The following PUDP variants were observed in gnomAD, a reference collection of about 807,000 sequenced individuals.
The protein encoded by PUDP is pseudouridine 5'-phosphatase.
In PUDP, 8 loss-of-function variants were observed where a neutral mutation model predicts 9.4. The ratio of observed to expected loss-of-function variants is 0.85; its 90% CI spans 0.50 to 1.53. The LOEUF is 1.53. Among genes scored for constraint, PUDP ranks in the 40% most tolerant of loss-of-function variants. PUDP has a pLI of 0.00. For missense variants in PUDP, 188 were observed against 189.7 expected (o/e 0.99, Z 0.05); for synonymous variants, 99 against 80.7 (o/e 1.23, Z -1.22).
At chrX:7,057,556 A>G in intron 3 of PUDP, 1 of 880,227 alleles carries the variant, frequency 1.1e-6, no homozygotes, top group Non-Finnish European at 1.5e-6. Context: ...GCTGATTCTC[A>G]TGTTTCTGAT....
rs550061084 is a variant in PUDP at position 7,100,981 on chromosome X, C to T, written c.280+4639G>A. ...CCTAACTCGTTTCAGAATACCAAAG[C>T]GGCACATCATCTGACCACTGTCCCT... is the stretch of plus-strand genomic sequence containing the variant. On this transcript the variant is annotated intron_variant, in intron 2 of 3. Coordinates refer to ENST00000381077, the MANE Select transcript of PUDP (RefSeq NM_012080.5). 8.0e-5 allele frequency among the ~76,000 whole-genome samples: 9 copies of T among 111,877 alleles called. No homozygotes were observed. In the South Asian group the frequency reaches 2.2e-3, roughly 28 times the overall value.
intron 1 of PUDP, among the ~76,000 whole-genome samples, chrX:7,001,869 C>T (rs1028968669): frequency 1.8e-5 from 2 of 111,608 alleles, no homozygotes; most frequent in East Asian, 2.8e-4. Flanking sequence ...CTTCACAAGA[C>T]AATTTAGGGG....
chrX:6,992,975 C>T (rs1929205437), intron 1 of PUDP, among the ~76,000 whole-genome samples: 1 of 111,614 alleles, frequency 9.0e-6, no homozygotes, highest in Admixed American at 9.5e-5. Flanking sequence ...CATCAGACTC[C>T]AAGTTCTTCA....
chrX:6,764,218 A>G (rs1925258690), intron 3 of PUDP, among the ~76,000 whole-genome samples: 1 of 111,593 alleles, frequency 9.0e-6, no homozygotes, highest in Non-Finnish European at 1.9e-5. Context: ...GATGGGACTA[A>G]CTGCTTTGCA....
intron 1 of PUDP, among the ~76,000 whole-genome samples, chrX:6,707,840 C>T (rs1336531320): frequency 8.9e-6 from 1 of 112,237 alleles, no homozygotes; most frequent in Non-Finnish European, 1.9e-5. Context: ...TAACAAGAAA[C>T]ATGGTTGGAA....
At chrX:7,129,592 G>A (rs1315641379) in intron 1 of PUDP, among the ~76,000 whole-genome samples, 1 of 112,221 alleles carries the variant, frequency 8.9e-6, no homozygotes, top group African/African-American at 3.2e-5. Flanking sequence ...TACCTGAGGG[G>A]ATATTCCCTG....
chrX:6,818,121 C>T (rs1926281212), intron 3 of PUDP, among the ~76,000 whole-genome samples: 1 of 111,213 alleles, frequency 9.0e-6, no homozygotes, highest in Non-Finnish European at 1.9e-5. Flanking sequence ...CTCCAAAATC[C>T]TTGATGTTTA....
chrX:7,031,420 C>T (rs1929790552), intron 1 of PUDP, among the ~76,000 whole-genome samples: 1 of 111,690 alleles, frequency 9.0e-6, no homozygotes, highest in Admixed American at 9.5e-5. Context: ...AAAGTCTCAG[C>T]TTTCCCCTGA....
At chrX:7,001,691 C>T (rs745425553) in intron 1 of PUDP, among the ~76,000 whole-genome samples, 3 of 110,747 alleles carry the variant, frequency 2.7e-5, no homozygotes, top group Non-Finnish European at 5.7e-5. Flanking sequence ...TCATGTATAA[C>T]GGAAAGAGAT....
At chrX:6,720,008 C>G (rs1038351482) in intron 1 of PUDP, among the ~76,000 whole-genome samples, 1 of 108,509 alleles carries the variant, frequency 9.2e-6, no homozygotes, top group African/African-American at 3.4e-5. Flanking sequence ...ATATCTGCAC[C>G]CTCATGTTAT....
At chrX:6,825,425 T>G (rs1926410001) in intron 3 of PUDP, among the ~76,000 whole-genome samples, 1 of 111,299 alleles carries the variant, frequency 9.0e-6, no homozygotes, top group South Asian at 3.8e-4. Context: ...TCCGGGCCCT[T>G]GCAAAAAGAA....
At position 7,007,019 on chromosome X, in the gene PUDP, G is replaced by C. The variant is rs772291824; in HGVS notation, c.205-28676C>G. Among the ~76,000 whole-genome samples, 62 of 111,547 alleles carry C rather than the reference G, an allele frequency of 5.6e-4. 1 individual carries two copies. The South Asian group carries it at 0.022, about 40-fold the overall frequency. On this transcript the variant is annotated intron_variant and NMD_transcript_variant, in intron 1 of 3. Transcript: ENST00000655425. The stretch of plus-strand genomic sequence containing the variant: ...ATGCTACTGAAATGCCAGTGGTTGG[G>C]TCTAGGTCCCACTGCTCACTGCACA...
At chrX:7,036,538 C>A (rs1929854801) in intron 1 of PUDP, among the ~76,000 whole-genome samples, 1 of 109,608 alleles carries the variant, frequency 9.1e-6, no homozygotes, top group Non-Finnish European at 1.9e-5. Flanking sequence ...CCCCTCCCAT[C>A]CCCCTCTTTT....
chrX:6,982,239 C>A (rs1423838856), intron 1 of PUDP, among the ~76,000 whole-genome samples: 1 of 111,853 alleles, frequency 8.9e-6, no homozygotes, highest in East Asian at 2.8e-4. Context: ...GTTCCTCCTG[C>A]CAACTGCAAA....
chrX:7,033,242 T>C (rs1929813917), intron 1 of PUDP, among the ~76,000 whole-genome samples: 1 of 111,618 alleles, frequency 9.0e-6, no homozygotes, highest in African/African-American at 3.3e-5. Flanking sequence ...GGGATTGGAC[T>C]GACTTCCTGG....
chrX:6,831,520 C>G (rs2146712886), intron 3 of PUDP, among the ~76,000 whole-genome samples: 1 of 111,805 alleles, frequency 8.9e-6, no homozygotes, highest in East Asian at 2.8e-4. Context: ...AGGTCAGATC[C>G]CTTTCACTGT....
At chrX:6,946,319 C>T (rs1014831234) in intron 3 of PUDP, among the ~76,000 whole-genome samples, 2 of 111,309 alleles carry the variant, frequency 1.8e-5, no homozygotes, top group Non-Finnish European at 3.8e-5. Flanking sequence ...ATCTGTGATG[C>T]CTCTTATAGC....
chrX:6,962,836 C>T (rs1300936965), intron 3 of PUDP, among the ~76,000 whole-genome samples: 1 of 112,605 alleles, frequency 8.9e-6, no homozygotes, highest in Non-Finnish European at 1.9e-5. Context: ...TCTCTTAATT[C>T]TAACAATAGG....
chrX:6,961,463 G>A (rs1034921463), intron 3 of PUDP, among the ~76,000 whole-genome samples: 1 of 111,689 alleles, frequency 9.0e-6, no homozygotes, highest in African/African-American at 3.3e-5. Context: ...AAGCATGCTT[G>A]CATTCATCCC....
Sources: gnomAD v4.1 joint callset for allele counts (sites outside exome capture counted in the v4.1 genomes callset) on GRCh38, gnomAD v4.1.1 for gene constraint, MANE v1.5 for transcripts, NCBI Gene and HGNC (gene_info 2026-07-23, HGNC 2026-07-21) for gene names.